The following VNN2 variants were observed in gnomAD, a reference collection of about 807,000 sequenced individuals.
VNN2 encodes pantetheine hydrolase VNN2.
VNN2 carries 43 observed loss-of-function variants against 43.0 expected under a neutral mutation model. That is an observed-to-expected ratio of 1.00 (90% CI 0.78 to 1.29). The LOEUF (loss-of-function observed/expected upper bound fraction) is 1.29. Ranked by LOEUF, VNN2 falls within the 50% of genes most tolerant of loss-of-function variation. The pLI, the probability that VNN2 is intolerant of heterozygous loss-of-function variation, is 0.00. For missense variants in VNN2, 652 were observed against 619.7 expected (o/e 1.05, Z -0.55); for synonymous variants, 230 against 224.3 (o/e 1.03, Z -0.23).
intron 3 of VNN2, 40 bp downstream of exon 3, chr6:132,755,803 A>T: frequency 6.4e-7 from 1 of 1,565,062 alleles, no homozygotes; most frequent in Non-Finnish European, 8.7e-7. Context: ...TTGACCACTC[A>T]CAACACGCTC....
chr6:132,762,570 G>C (rs547033416), upstream of VNN2, among the ~76,000 whole-genome samples: 1 of 152,156 alleles, frequency 6.6e-6, no homozygotes, highest in Non-Finnish European at 1.5e-5. Flanking sequence ...CCCTGTAAAA[G>C]GCAAGGTTGC....
chr6:132,746,043 T>C (rs12663367), intron 6 of VNN2, among the ~76,000 whole-genome samples: 7,207 of 152,318 alleles, frequency 0.047, 232 homozygotes, highest in East Asian at 0.13. Context: ...ACATGCATTA[T>C]CATATTTGAT....
intron 6 of VNN2, 76 bp downstream of exon 6, chr6:132,749,619 C>A: frequency 7.4e-7 from 1 of 1,356,756 alleles, no homozygotes; most frequent in Non-Finnish European, 1.0e-6. Context: ...AGTTAACTGG[C>A]AGAGTGGCTA....
chr6:132,747,796 A>C (rs1215928518), intron 6 of VNN2, among the ~76,000 whole-genome samples: 1 of 152,182 alleles, frequency 6.6e-6, no homozygotes, highest in Non-Finnish European at 1.5e-5. Context: ...TAATGGAATA[A>C]ATTATTTACG....
At position 132,744,417 on chromosome 6, in the gene VNN2, C is replaced by T; in HGVS notation, c.1446G>A (p.Arg482=). 6.2e-7 allele frequency: 1 copy of T among 1,613,546 alleles called. No individual in the cohort carries two copies. Among genetic ancestry groups the T allele is most frequent in the South Asian group, 1.1e-5 (1 of 90,972 alleles). The change falls in exon 7 of 7, where the codon AGG becomes AGA. Residue 482 remains arginine (R), a synonymous_variant. Coordinates refer to ENST00000326499, the MANE Select transcript of VNN2 (RefSeq NM_004665.6). The part of the protein sequence containing the change: ...GPILTVSLFG[R]WYTKDSLYSS... ...TGTAAAGTGAGTCCTTTGTGTACCA[C>T]CTCCCAAAGAGTGACACTGTTAGTA...
upstream of VNN2, chr6:132,758,051 T>A (rs1303097717): frequency 3.6e-4 from 172 of 474,698 alleles, 4 homozygotes; most frequent in Middle Eastern, 3.1e-3. Context: ...TTTTTTTTTT[T>A]TTTTTTTTTT....
upstream of VNN2, among the ~76,000 whole-genome samples, chr6:132,762,451 C>CA (rs1319819189): frequency 3.3e-5 from 5 of 152,066 alleles, no homozygotes; most frequent in Admixed American, 6.5e-5. Context: ...TACTGTATAC[C>CA]AAAAAAGTAC....
chr6:132,750,515 T>TATATATATATCTATATATATATATATA (rs1359427541), intron 5 of VNN2, among the ~76,000 whole-genome samples: 1 of 97,376 alleles, frequency 1.0e-5, no homozygotes, highest in Admixed American at 1.1e-4. Context: ...ATATATATAT[T>TATATATATATCTATATATATATATATA]TTTCCAGGTG....
At chr6:132,760,242 A>G (rs1197141737), upstream of VNN2, among the ~76,000 whole-genome samples, 1 of 152,060 alleles carries the variant, frequency 6.6e-6, no homozygotes, top group Non-Finnish European at 1.5e-5. Context: ...TGGTATGATC[A>G]TGGCTCACTT....
rs2114562521 is a variant in VNN2, at chr6:132,751,302, A to C, written c.1043T>G (p.Phe348Cys). ...RGFISRDGFN[F>C]TELFENAGNL... is the part of the protein sequence containing the mutation. ...TCCTGCATTTTCAAAAAGTTCTGTGAAGTTGAACCCATCCCTGGAAATAAA... is the reference window on the plus strand; with the variant it reads ...TCCTGCATTTTCAAAAAGTTCTGTGCAGTTGAACCCATCCCTGGAAATAAA... Residue 348 changes from phenylalanine (F) to cysteine (C), a missense_variant, in exon 5 of 7, where the codon TTC becomes TGC. Coordinates refer to ENST00000326499, the MANE Select transcript of VNN2 (RefSeq NM_004665.6). The C allele has an allele frequency of 6.2e-7, 1 of 1,614,130 alleles. No homozygotes were observed. Among genetic ancestry groups the C allele is most frequent in the Non-Finnish European group, 8.5e-7 (1 of 1,180,018 alleles).
At chr6:132,746,181 A>G (rs1045949962) in intron 6 of VNN2, among the ~76,000 whole-genome samples, 4 of 152,308 alleles carry the variant, frequency 2.6e-5, no homozygotes, top group East Asian at 1.9e-4. Context: ...CTGACAATAC[A>G]CCAGAGTTGC....
At chr6:132,751,046 C>T in intron 5 of VNN2, 99 bp downstream of exon 5, 13 of 1,473,946 alleles carry the variant, frequency 8.8e-6, no homozygotes, top group Non-Finnish European at 1.2e-5. Flanking sequence ...TGCATGGAGT[C>T]AAGCCAAGGA....
At chr6:132,746,444 A>G (rs1779722797) in intron 6 of VNN2, among the ~76,000 whole-genome samples, 1 of 152,208 alleles carries the variant, frequency 6.6e-6, no homozygotes, top group South Asian at 2.1e-4. Context: ...CTTCAATATT[A>G]TGACTGCTGT....
chr6:132,749,531 C>T (rs1371946843), intron 6 of VNN2, among the ~76,000 whole-genome samples, 164 bp downstream of exon 6: 1 of 152,162 alleles, frequency 6.6e-6, no homozygotes, highest in Non-Finnish European at 1.5e-5. Context: ...AAACAGCCTA[C>T]CTACCCCAAG....
rs569600611 is a variant in VNN2 at position 132,756,898 on chromosome 6, AT to A, written c.344+517del. On this transcript the variant is annotated intron_variant, in intron 2 of 6. Transcript: ENST00000326499. Reference sequence around the variant, plus strand: ...CCTCCAGGATGACAGTAGGACCCAGATTTTTAATATATATTAGAAGGTTTCT... The same window carrying A: ...CCTCCAGGATGACAGTAGGACCCAGATTTTAATATATATTAGAAGGTTTCT... Among the ~76,000 whole-genome samples, 4 of 152,308 alleles carry A rather than the reference AT, an allele frequency of 2.6e-5. No homozygotes were observed. In the East Asian group the frequency reaches 7.7e-4, roughly 29 times the overall value.
Position 132,744,130 on chromosome 6 carries a change from GACA to G in VNN2, c.*167_*169del. The G allele has an allele frequency of 1.8e-6, 1 of 553,312 alleles. No homozygotes were observed. The highest frequency in any genetic ancestry group is 2.9e-6 in the Non-Finnish European group (1 of 344,772). 34.3% of individuals were successfully genotyped at this position (553,312 alleles called of 1,614,324 possible). Reference sequence around the variant, plus strand: ...ACATTTCAGAGTAGCCAAAAAAATGGACAACATTATCATAATACTTAAAAAATA... The same window carrying G: ...ACATTTCAGAGTAGCCAAAAAAATGGACATTATCATAATACTTAAAAAATA... On this transcript the variant is annotated 3_prime_UTR_variant, in exon 7 of 7. Coordinates refer to ENST00000326499, the MANE Select transcript of VNN2 (RefSeq NM_004665.6).
intron 4 of VNN2, 106 bp from the exon 5 acceptor site, chr6:132,751,624 T>A: frequency 7.4e-7 from 1 of 1,360,484 alleles, no homozygotes; most frequent in Non-Finnish European, 9.9e-7. Flanking sequence ...ACCATATTAG[T>A]CACGATGAGA....
At chr6:132,761,695 A>G (rs886436330), upstream of VNN2, among the ~76,000 whole-genome samples, 2 of 152,166 alleles carry the variant, frequency 1.3e-5, no homozygotes, top group African/African-American at 4.8e-5. Context: ...GAAAAACAGT[A>G]ATAGCTCAAA....
chr6:132,752,872 G>T, intron 3 of VNN2, 123 bp from the exon 4 acceptor site: 1 of 1,044,340 alleles, frequency 9.6e-7, no homozygotes, highest in Non-Finnish European at 1.4e-6. Context: ...CCTAGGAAGC[G>T]GATAAATCTG....
Sources: allele counts gnomAD v4.1 joint callset (sites outside exome capture counted in the v4.1 genomes callset), GRCh38; gene constraint gnomAD v4.1.1; transcripts MANE v1.5; gene names NCBI Gene and HGNC (gene_info 2026-07-23, HGNC 2026-07-21).